The following CRYBG3 variants were observed in gnomAD, a reference collection of about 807,000 sequenced individuals.
CRYBG3 encodes very large A-kinase anchor protein.
A neutral mutation model predicts 244.2 loss-of-function variants in CRYBG3; 127 were observed. That is an observed-to-expected ratio of 0.52 (90% CI 0.45 to 0.60). The LOEUF (loss-of-function observed/expected upper bound fraction) is 0.60, where lower values mean the gene tolerates loss of function less well. Among genes scored for constraint, CRYBG3 ranks in the 20% least tolerant of loss-of-function variants. The pLI, the probability that CRYBG3 is intolerant of heterozygous loss-of-function variation, is 0.00. For synonymous variants in CRYBG3, 1,132 were observed against 1,195.8 expected (o/e 0.95, Z 1.10); for missense variants, 3,325 against 3,442.5 (o/e 0.97, Z 0.85).
intron 2 of CRYBG3, among the ~76,000 whole-genome samples, chr3:97,857,771 C>T (rs1256361351): frequency 1.3e-5 from 2 of 151,896 alleles, no homozygotes; most frequent in Non-Finnish European, 2.9e-5. Flanking sequence ...TTTATCCATT[C>T]GGCTAATCTA....
At chr3:97,883,100 A>G (rs1027063545) in intron 7 of CRYBG3, among the ~76,000 whole-genome samples, 2 of 152,122 alleles carry the variant, frequency 1.3e-5, no homozygotes, top group Admixed American at 6.6e-5. Context: ...CCTGTTTGGA[A>G]TGTTGCAAGG....
Position 97,936,974 on chromosome 3 carries a change from A to C in CRYBG3, c.8505+66A>C, listed in dbSNP as rs1436357070. On this transcript the variant is annotated intron_variant, in intron 19 of 21. Coordinates refer to ENST00000389622, the MANE Select transcript of CRYBG3 (RefSeq NM_153605.4). ...TTGTGGTAGAAATGTCATAAACCACAGCATCTGAAATAATGATCATTTAAT... is the reference window on the plus strand; with the variant it reads ...TTGTGGTAGAAATGTCATAAACCACCGCATCTGAAATAATGATCATTTAAT... 3 of 1,538,206 alleles carry C rather than the reference A, an allele frequency of 2.0e-6. No individual in the cohort carries two copies. The East Asian group carries it at 6.8e-5, about 35-fold the overall frequency.
In CRYBG3 at chr3:97,875,661, T is replaced by A. The variant is rs770483732; in HGVS notation, c.4467T>A (p.Pro1489=). Residue 1489 remains proline, a synonymous_variant, in exon 4 of 22, where the codon CCT becomes CCA. Transcript: ENST00000389622. ...PPLVNDDIHA[P]GTSKSSLSDS... is the part of the protein sequence containing the mutation. ...TTGTGAATGATGACATCCATGCACC[T>A]GGTACATCTAAAAGCAGTTTGTCTG... The A allele has an allele frequency of 6.8e-5, 84 of 1,233,814 alleles. No individual in the cohort carries two copies. Among genetic ancestry groups the A allele is most frequent in the Non-Finnish European group, 8.5e-5 (84 of 989,284 alleles). 76.4% of individuals were successfully genotyped at this position (1,233,814 alleles called of 1,614,324 possible).
At chr3:97,916,763 TA>T (rs2039933323) in intron 17 of CRYBG3, among the ~76,000 whole-genome samples, 1 of 152,120 alleles carries the variant, frequency 6.6e-6, no homozygotes, top group South Asian at 2.1e-4. Context: ...AGACTAATTA[TA>T]GAGTCTTGGC....
At chr3:97,919,714 T>TAA (rs3058034) in intron 17 of CRYBG3, among the ~76,000 whole-genome samples, 26,394 of 126,694 alleles carry the variant, frequency 0.21, 2,896 homozygotes, top group Non-Finnish European at 0.28. Context: ...ATAAAATGAT[T>TAA]AAAAAAAAAA....
In CRYBG3 at chr3:97,881,820, TCTC is replaced by T. The variant is rs1360744334; in HGVS notation, c.7152+604_7152+606del. ...TAAAATAAGCTAATAGGAATAGTAT[TCTC>T]CTATAATAGTATACTATACACTATA... On this transcript the variant is annotated intron_variant, in intron 7 of 21. Coordinates refer to ENST00000389622, the MANE Select transcript of CRYBG3 (RefSeq NM_153605.4). Among the ~76,000 whole-genome samples the T allele has an allele frequency of 5.3e-5, 8 of 152,228 alleles. No homozygotes were observed. In the East Asian group the frequency reaches 1.4e-3, roughly 26 times the overall value.
chr3:97,895,325 G>A lies in CRYBG3; in HGVS notation c.7575-634G>A, dbSNP rs576901212. ...TATTTATCAGTGTCTTGTACTGATA[G>A]TTTTAGATTAGAAGTCAAGAAAGTA... On this transcript the variant is annotated intron_variant, in intron 11 of 21. Transcript: ENST00000389622. 2.6e-5 allele frequency among the ~76,000 whole-genome samples: 4 copies of A among 152,324 alleles called. No homozygotes were observed. In the South Asian group the frequency reaches 8.3e-4, roughly 32 times the overall value.
intron 3 of CRYBG3, among the ~76,000 whole-genome samples, chr3:97,870,093 G>A (rs1197935955): frequency 3.3e-5 from 5 of 152,086 alleles, no homozygotes; most frequent in African/African-American, 1.2e-4. Flanking sequence ...AAAAAATCAA[G>A]TAGAACACAC....
rs1167067692 is a variant in CRYBG3, at chr3:97,923,831, T to C, written c.8241+8095T>C. ...GTAAACATTGAGAGATACAATCTTT[T>C]ATAGGTAAAAGGACTCAATATTGTA... is the stretch of plus-strand genomic sequence containing the variant. On this transcript the variant is annotated intron_variant, in intron 17 of 21. Coordinates refer to ENST00000389622, the MANE Select transcript of CRYBG3 (RefSeq NM_153605.4). Among the ~76,000 whole-genome samples the C allele has an allele frequency of 2.0e-5, 3 of 152,106 alleles. No homozygotes were observed. In the East Asian group the frequency reaches 5.8e-4, roughly 29 times the overall value.
intron 8 of CRYBG3, 147 bp downstream of exon 8, chr3:97,886,914 A>G: frequency 1.6e-6 from 1 of 633,068 alleles, no homozygotes; most frequent in Non-Finnish European, 2.6e-6. Context: ...GATTCTTTGG[A>G]TCTAATTAGA....
chr3:97,864,672 A>C, intron 3 of CRYBG3, 25 bp downstream of exon 3: 1 of 1,417,982 alleles, frequency 7.1e-7, no homozygotes, highest in Non-Finnish European at 9.4e-7. Flanking sequence ...TCATTGAACC[A>C]AAAAAAATTG....
At chr3:97,918,467 G>A (rs917268997) in intron 17 of CRYBG3, among the ~76,000 whole-genome samples, 3 of 152,084 alleles carry the variant, frequency 2.0e-5, no homozygotes, top group Non-Finnish European at 4.4e-5. Context: ...TAATTCTTCT[G>A]TAAAGAAACT....
In CRYBG3 at chr3:97,896,041, G is replaced by A. The variant is rs2039636092; in HGVS notation, c.7657G>A (p.Gly2553Ser). 1 of 1,612,018 alleles carries A rather than the reference G, an allele frequency of 6.2e-7. No homozygotes were observed. The highest frequency in any genetic ancestry group is 1.7e-5 in the Admixed American group (1 of 59,874). ...AGACTTTGAAGACAGTAATGCTTGT[G>A]GTGCATTAAGTAGCCCTATCTTGTC... ...EGDFEDSNAC[G>S]ALSSPILSFR... is the part of the protein sequence containing the mutation. Residue 2553 changes from glycine to serine, a missense_variant, in exon 12 of 22, where the codon GGT (glycine) becomes AGT (serine). Transcript: ENST00000389622.
chr3:97,891,063 G>A (rs1207817882), intron 10 of CRYBG3, among the ~76,000 whole-genome samples: 1 of 152,016 alleles, frequency 6.6e-6, no homozygotes, highest in Non-Finnish European at 1.5e-5. Context: ...GAATTTGCAT[G>A]TCTGTTTCTT....
chr3:97,873,131 A>G lies in CRYBG3; in HGVS notation c.1937A>G (p.Asp646Gly). Reference protein sequence around the residue: ...SPDAKTSLSLDCKKLNFSISP... With the variant: ...SPDAKTSLSLGCKKLNFSISP... The stretch of plus-strand genomic sequence containing the variant: ...GATGCTAAAACATCTCTTAGCCTTG[A>G]CTGTAAAAAACTAAATTTCAGTATT... The change falls in exon 4 of 22, where the codon GAC (aspartate) becomes GGC (glycine). Residue 646 changes from aspartate (D) to glycine (G), a missense_variant. By Grantham distance (94) the Asp-to-Gly change is moderately conservative. This residue lies in a region of CRYBG3 where 1,526 missense variants were observed against 1,443.2 expected (regional missense o/e 1.06). Transcript: ENST00000389622. The G allele has an allele frequency of 6.5e-7, 1 of 1,535,720 alleles. No homozygotes were observed. The highest frequency in any genetic ancestry group is 8.7e-7 in the Non-Finnish European group (1 of 1,146,688).
At position 97,943,324 on chromosome 3, in the gene CRYBG3, C is replaced by CATCCCTAGAAAG. The variant is rs759118961; in HGVS notation, c.*24_*35dup. Reference sequence around the variant, plus strand: ...CATTGAAATATTGTGAGAGAATCAACATCCCTAGAAAGATCCCTAGAAAGA... The same window carrying CATCCCTAGAAAG: ...CATTGAAATATTGTGAGAGAATCAACATCCCTAGAAAGATCCCTAGAAAGATCCCTAGAAAGA... On this transcript the variant is annotated 3_prime_UTR_variant, in exon 22 of 22. Transcript: ENST00000389622. The CATCCCTAGAAAG allele has an allele frequency of 2.6e-5, 38 of 1,465,488 alleles. No homozygotes were observed. Among genetic ancestry groups the CATCCCTAGAAAG allele is most frequent in the Non-Finnish European group, 2.8e-5 (29 of 1,047,670 alleles). 90.8% of individuals were successfully genotyped at this position (1,465,488 alleles called of 1,614,324 possible). A position where few individuals can be genotyped will look rare whatever the true frequency, so the allele number is the denominator to read the frequency against.
chr3:97,847,402 T>C (rs888839223), intron 2 of CRYBG3, among the ~76,000 whole-genome samples: 12 of 152,198 alleles, frequency 7.9e-5, no homozygotes, highest in Admixed American at 5.9e-4. Flanking sequence ...TTGTGTGTAG[T>C]TGAAAAAAGC....
At chr3:97,896,208 C>G in intron 12 of CRYBG3, 123 bp downstream of exon 12, 1 of 838,688 alleles carries the variant, frequency 1.2e-6, no homozygotes, top group Non-Finnish European at 1.7e-6. Flanking sequence ...GTATTAACCT[C>G]AACTGCTTAT....
chr3:97,928,685 C>G (rs1480379974), intron 17 of CRYBG3, among the ~76,000 whole-genome samples: 1 of 151,928 alleles, frequency 6.6e-6, no homozygotes, highest in African/African-American at 2.4e-5. Context: ...AGGAAACACA[C>G]CCAGCAGGGT....
Sources: allele counts gnomAD v4.1 joint callset (sites outside exome capture counted in the v4.1 genomes callset), GRCh38; gene constraint gnomAD v4.1.1; regional missense constraint gnomAD v4.1.1; transcripts MANE v1.5; gene names NCBI Gene and HGNC (gene_info 2026-07-23, HGNC 2026-07-21).